The following LMTK2 variants were observed in gnomAD, a reference collection of about 807,000 sequenced individuals.
LMTK2 encodes serine/threonine-protein kinase LMTK2.
In LMTK2, 37 loss-of-function variants were observed where a neutral mutation model predicts 127.5. The observed-to-expected ratio is 0.29, with a 90% CI of 0.22 to 0.38. LMTK2 has a LOEUF of 0.38. LMTK2 is among the 10% of genes least tolerant of loss of function. The pLI is 1.00. For synonymous variants in LMTK2, 819 were observed against 810.1 expected (o/e 1.01, Z -0.19); for missense variants, 1,694 against 1,920.3 (o/e 0.88, Z 2.20).
At chr7:98,157,643 A>G (rs78410144) in intron 5 of LMTK2, among the ~76,000 whole-genome samples, 1 of 146,302 alleles carries the variant, frequency 6.8e-6, no homozygotes, top group Non-Finnish European at 1.5e-5. Context: ...CCCACATTAA[A>G]AAAAAAAAAA....
At chr7:98,168,710 T>A (rs185078511) in intron 6 of LMTK2, among the ~76,000 whole-genome samples, 1 of 152,276 alleles carries the variant, frequency 6.6e-6, no homozygotes, top group South Asian at 2.1e-4. Flanking sequence ...GCGAGGAACC[T>A]ATTTACAGGT....
intron 9 of LMTK2, among the ~76,000 whole-genome samples, chr7:98,188,429 C>G (rs1797472323): frequency 6.6e-6 from 1 of 152,040 alleles, no homozygotes; most frequent in African/African-American, 2.4e-5. Flanking sequence ...CTGGGAAAGA[C>G]TTTATTTCTC....
rs564205296 is a variant in LMTK2 at position 98,149,429 on chromosome 7, T to C, written c.377-1953T>C. Among the ~76,000 whole-genome samples the C allele has an allele frequency of 7.9e-5, 12 of 152,348 alleles. No individual in the cohort carries two copies. In the East Asian group the frequency reaches 2.3e-3, roughly 29 times the overall value. On this transcript the variant is annotated intron_variant, in intron 3 of 13. Transcript: ENST00000297293. ...GACACTGGCAGTTTAAAAAAAAGTCTTTTAGTGTTTCTTGGAAGGGACGGC... is the reference window on the plus strand; with the variant it reads ...GACACTGGCAGTTTAAAAAAAAGTCCTTTAGTGTTTCTTGGAAGGGACGGC...
intron 1 of LMTK2, among the ~76,000 whole-genome samples, chr7:98,126,284 G>A (rs1447823310): frequency 1.3e-5 from 2 of 152,160 alleles, no homozygotes; most frequent in African/African-American, 4.8e-5. Flanking sequence ...ACGTACATGG[G>A]AAGTTGTGTG....
rs577619706 is a variant in LMTK2, at chr7:98,138,883, G to A, written c.231+1441G>A. Reference sequence around the variant, plus strand: ...CCAAGCTTCCCCCGGAGATGCTGGCGCAGGGGCCGCAGTGTCTTAGAGGAC... The same window carrying A: ...CCAAGCTTCCCCCGGAGATGCTGGCACAGGGGCCGCAGTGTCTTAGAGGAC... On this transcript the variant is annotated intron_variant, in intron 2 of 13. Coordinates refer to ENST00000297293, the MANE Select transcript of LMTK2 (RefSeq NM_014916.4). 1.2e-4 allele frequency among the ~76,000 whole-genome samples: 18 copies of A among 152,300 alleles called. 1 individual carries two copies. The highest frequency in any genetic ancestry group is 2.1e-4 in the South Asian group (1 of 4,826).
At chr7:98,176,097 A>G (rs12532406) in intron 7 of LMTK2, among the ~76,000 whole-genome samples, 4 of 152,174 alleles carry the variant, frequency 2.6e-5, no homozygotes, top group Admixed American at 2.6e-4. Context: ...AACAATTAAG[A>G]CTTATTCTAG....
In LMTK2 at chr7:98,170,600, AAC is replaced by A. The variant is rs539621525; in HGVS notation, c.658-938_658-937del. Among the ~76,000 whole-genome samples, 6 of 151,820 alleles carry A rather than the reference AAC, an allele frequency of 4.0e-5. No individual in the cohort carries two copies. The South Asian group carries it at 1.3e-3, about 32-fold the overall frequency. Reference sequence around the variant, plus strand: ...GTCTTTTCTTGACTCAGATTTAAAGAACACTGAAAGCTATTGGCTTGCTTTCT... The same window carrying A: ...GTCTTTTCTTGACTCAGATTTAAAGAACTGAAAGCTATTGGCTTGCTTTCT... On this transcript the variant is annotated intron_variant, in intron 6 of 13. Transcript: ENST00000297293.
intron 11 of LMTK2, among the ~76,000 whole-genome samples, chr7:98,197,632 C>T (rs370718943): frequency 6.0e-4 from 92 of 152,272 alleles, no homozygotes; most frequent in Middle Eastern, 3.4e-3. Context: ...GCAGGAGGAT[C>T]GCTTAAGGCC....
rs1279817722 is a variant in LMTK2, at chr7:98,192,154, G to A, written c.1689G>A (p.Leu563=). ...TAGAAGAAAAAAGTGGTAGTAACTT[G>A]GAGCTTGATTACCCACCAGCGCTGC... ...IQLEEKSGSN[L]ELDYPPALLT... Residue 563 remains leucine (L), a synonymous_variant, in exon 11 of 14, where the codon TTG becomes TTA. Coordinates refer to ENST00000297293, the MANE Select transcript of LMTK2 (RefSeq NM_014916.4). 2.6e-6 allele frequency: 4 copies of A among 1,529,736 alleles called. No homozygotes were observed. Among genetic ancestry groups the A allele is most frequent in the African/African-American group, 2.8e-5 (2 of 72,078 alleles). 94.8% of individuals were successfully genotyped at this position (1,529,736 alleles called of 1,614,324 possible). A position where few individuals can be genotyped will look rare whatever the true frequency, so the allele number is the denominator to read the frequency against.
At chr7:98,156,117 C>T (rs927374899) in intron 5 of LMTK2, among the ~76,000 whole-genome samples, 14 of 152,068 alleles carry the variant, frequency 9.2e-5, no homozygotes, top group African/African-American at 3.1e-4. Flanking sequence ...CATGAAAAGA[C>T]GTTCAGTGTC....
chr7:98,139,669 A>G (rs574854146), intron 2 of LMTK2, among the ~76,000 whole-genome samples: 3 of 152,238 alleles, frequency 2.0e-5, no homozygotes, highest in Non-Finnish European at 4.4e-5. Flanking sequence ...AACTCCATCA[A>G]TACAAATAGC....
chr7:98,114,876 G>T (rs1002715375), intron 1 of LMTK2, among the ~76,000 whole-genome samples: 1 of 151,902 alleles, frequency 6.6e-6, no homozygotes, highest in Non-Finnish European at 1.5e-5. Context: ...CCTCTTTGCG[G>T]ACCCACCTTC....
intron 7 of LMTK2, among the ~76,000 whole-genome samples, chr7:98,175,659 G>T (rs1166076455): frequency 6.6e-6 from 1 of 152,240 alleles, no homozygotes; most frequent in Non-Finnish European, 1.5e-5. Context: ...TTTCTACATG[G>T]AAGACTTGCT....
intron 9 of LMTK2, among the ~76,000 whole-genome samples, chr7:98,187,367 A>G (rs920825582): frequency 3.3e-5 from 5 of 152,316 alleles, no homozygotes; most frequent in Admixed American, 6.5e-5. Flanking sequence ...TATAGGAGTC[A>G]GTTTAATGGG....
At chr7:98,122,161 A>G (rs569398410) in intron 1 of LMTK2, among the ~76,000 whole-genome samples, 4 of 152,208 alleles carry the variant, frequency 2.6e-5, no homozygotes, top group Non-Finnish European at 5.9e-5. Flanking sequence ...TACTTTAAAC[A>G]CCACCATTGA....
At chr7:98,116,425 C>CGTGT (rs61569698) in intron 1 of LMTK2, among the ~76,000 whole-genome samples, 2 of 146,706 alleles carry the variant, frequency 1.4e-5, no homozygotes, top group Non-Finnish European at 3.0e-5. Context: ...TGTGTTTGTG[C>CGTGT]GTGTGTGTGT....
intron 3 of LMTK2, among the ~76,000 whole-genome samples, chr7:98,149,975 A>G (rs1270831272): frequency 6.6e-6 from 1 of 152,220 alleles, no homozygotes; most frequent in Non-Finnish European, 1.5e-5. Context: ...AGATTTGCAT[A>G]GATATGTCAC....
chr7:98,204,038 A>G lies in LMTK2; in HGVS notation c.4335A>G (p.Thr1445=), dbSNP rs745917277. The G allele has an allele frequency of 2.5e-6, 4 of 1,614,110 alleles. No individual in the cohort carries two copies. Among genetic ancestry groups the G allele is most frequent in the Admixed American group, 1.7e-5 (1 of 60,012 alleles). The change falls in exon 13 of 14, where the codon ACA becomes ACG. Residue 1445 remains threonine, a synonymous_variant. Transcript: ENST00000297293. ...NLLSSKPSLQ[T]SKYFSPPPPA... ...TCAGCTCCAAGCCTTCTCTCCAAAC[A>G]TCCAAGTACTTTTCTCCGCCGCCAC...
chr7:98,159,044 C>T lies in LMTK2; in HGVS notation c.570-294C>T, dbSNP rs181312711. Among the ~76,000 whole-genome samples, 319 of 151,988 alleles carry T rather than the reference C, an allele frequency of 2.1e-3. 2 individuals carry two copies. Among genetic ancestry groups the T allele is most frequent in the Middle Eastern group, 6.8e-3 (2 of 294 alleles). On this transcript the variant is annotated intron_variant, in intron 5 of 13. Transcript: ENST00000297293. ...CTGCACTCCAGCCAGGGTGACAGAA[C>T]GAGACCCTGTCTCTTGAAAAAAAAT...
Sources: gnomAD v4.1 joint callset for allele counts (sites outside exome capture counted in the v4.1 genomes callset) on GRCh38, gnomAD v4.1.1 for gene constraint, MANE v1.5 for transcripts, NCBI Gene and HGNC (gene_info 2026-07-23, HGNC 2026-07-21) for gene names.